POTEM: variants seen among roughly 807,000 people sequenced by gnomAD.
The protein encoded by POTEM is POTE ankyrin domain family member M, also known as putative POTE ankyrin domain family member M.
For missense variants in POTEM, 24 were observed against 343.0 expected (o/e 0.07, Z 7.35); for synonymous variants, 8 against 113.2 (o/e 0.07, Z 5.90).
intron 1 of POTEM, among the ~76,000 whole-genome samples, chr14:18,968,844 C>A (rs1316604159): frequency 1.4e-5 from 2 of 145,098 alleles, no homozygotes; most frequent in Middle Eastern, 3.6e-3. Flanking sequence ...AAAAAGTGAG[C>A]TTTTTCTATT....
At chr14:18,969,235 C>A (rs1412233981) in intron 1 of POTEM, among the ~76,000 whole-genome samples, 6 of 130,512 alleles carry the variant, frequency 4.6e-5, no homozygotes, top group African/African-American at 1.9e-4. Context: ...AAAAGAGAAA[C>A]ATACCAGAAG....
chr14:18,974,886 T>TTTTATG (rs1890925859), intron 3 of POTEM: 1 of 363,550 alleles, frequency 2.8e-6, no homozygotes, highest in Non-Finnish European at 5.4e-6. Context: ...CTTTCTTTCT[T>TTTTATG]TTTATTTTTA....
At position 18,967,840 on chromosome 14, in the gene POTEM, C is replaced by T. The variant is rs1456338927; in HGVS notation, c.355C>T (p.Pro119Ser). The T allele has an allele frequency of 9.0e-6, 8 of 888,468 alleles. 3 individuals carry two copies. Among genetic ancestry groups the T allele is most frequent in the South Asian group, 5.0e-5 (3 of 59,714 alleles). The allele number at this position is 888,468 out of a possible 1,614,324, so 55.0% of individuals were successfully genotyped here. The change falls in exon 1 of 11, where the codon CCC becomes TCC. Residue 119 changes from proline (P) to serine (S), a missense_variant. By Grantham distance (74) the Pro-to-Ser change is moderately conservative (BLOSUM62 -1). Transcript: ENST00000547889. ...CRGSGKSKVGPWGDYDDSAFM... is the reference protein window; with the variant it reads ...CRGSGKSKVGSWGDYDDSAFM... ...GGGGAGCGGCAAGAGCAAAGTGGGC[C>T]CCTGGGGAGACTACGACGACAGCGC...
At chr14:18,990,889 A>AT (rs200925682) in intron 9 of POTEM, among the ~76,000 whole-genome samples, 512 of 30,406 alleles carry the variant, frequency 0.017, no homozygotes, top group South Asian at 0.047. Flanking sequence ...TTCTCATGAC[A>AT]TTTTTTTTTT....
intron 9 of POTEM, among the ~76,000 whole-genome samples, chr14:18,996,240 T>A (rs1333470892): frequency 6.6e-6 from 1 of 151,448 alleles, no homozygotes; most frequent in East Asian, 1.9e-4. Flanking sequence ...CATACACAGA[T>A]AAAATTAATT....
intron 6 of POTEM, among the ~76,000 whole-genome samples, chr14:18,981,856 A>G (rs1891090480): frequency 6.6e-6 from 1 of 151,872 alleles, no homozygotes; most frequent in African/African-American, 2.4e-5. Flanking sequence ...GTTTTACCCC[A>G]TGGGCCATGG....
intron 1 of POTEM, among the ~76,000 whole-genome samples, chr14:18,968,491 C>T (rs1457648081): frequency 2.0e-5 from 3 of 152,186 alleles, no homozygotes; most frequent in Admixed American, 2.0e-4. Flanking sequence ...GAAGATGGTT[C>T]TTGTGCTTGA....
chr14:18,969,240 C>A, intron 1 of POTEM, among the ~76,000 whole-genome samples: 1 of 128,172 alleles, frequency 7.8e-6, no homozygotes, highest in African/African-American at 3.2e-5. Context: ...AGAAACATAC[C>A]AGAAGAAAAC....
rs1890800604 is a variant in POTEM, at chr14:18,968,005, AG to A, written c.521+1del. The A allele has an allele frequency of 7.3e-7, 1 of 1,361,960 alleles. No individual in the cohort carries two copies. Among genetic ancestry groups the A allele is most frequent in the Non-Finnish European group, 1.0e-6 (1 of 967,834 alleles). 84.4% of individuals were successfully genotyped at this position (1,361,960 alleles called of 1,614,324 possible). A position where few individuals can be genotyped will look rare whatever the true frequency, so the allele number is the denominator to read the frequency against. On this transcript the variant is annotated frameshift_variant and splice_region_variant, in exon 1 of 11. Transcript: ENST00000547889. LOFTEE classifies it high-confidence loss of function. ...TDMNKKDKQK[R>X]TALHLASANG... ...CATGAACAAGAAGGACAAGCAAAAG[AG>A]GTAACCAGGCCTGGGCTGGGAGGAG... is the stretch of plus-strand genomic sequence containing the variant.
At chr14:18,975,064 G>C (rs1890932919) in intron 3 of POTEM, 2 of 339,330 alleles carry the variant, frequency 5.9e-6, no homozygotes, top group Admixed American at 4.2e-5. Context: ...CTCTGTGGTT[G>C]AGACATTAAA....
At chr14:18,969,393 T>C (rs1235853315) in intron 1 of POTEM, among the ~76,000 whole-genome samples, 1 of 130,312 alleles carries the variant, frequency 7.7e-6, no homozygotes, top group African/African-American at 3.0e-5. Context: ...AAAATTTCTT[T>C]TTTTTTTTTG....
At chr14:18,981,875 C>G (rs1184812538) in intron 6 of POTEM, among the ~76,000 whole-genome samples, 2 of 151,696 alleles carry the variant, frequency 1.3e-5, no homozygotes, top group African/African-American at 4.9e-5. Context: ...GGGAAGTTTA[C>G]CAGGTAGAAT....
intron 1 of POTEM, among the ~76,000 whole-genome samples, chr14:18,969,307 G>GTATATA (rs376582358): frequency 2.5e-5 from 2 of 79,500 alleles, no homozygotes; most frequent in African/African-American, 5.9e-5. Flanking sequence ...ATGTATATAC[G>GTATATA]TATATATATG....
intron 1 of POTEM, among the ~76,000 whole-genome samples, chr14:18,969,136 T>G (rs1471409367): frequency 2.2e-5 from 3 of 139,492 alleles, no homozygotes; most frequent in Non-Finnish European, 4.6e-5. Context: ...TTAAAAAAGA[T>G]GGATTGTTCA....
intron 1 of POTEM, among the ~76,000 whole-genome samples, chr14:18,969,317 GTATATA>G (rs796722398): frequency 0.021 from 1,753 of 83,416 alleles, 2 homozygotes; most frequent in South Asian, 0.076. Flanking sequence ...GTATATATAT[GTATATA>G]TATATATATA....
At chr14:18,968,880 A>C (rs1339278753) in intron 1 of POTEM, among the ~76,000 whole-genome samples, 1 of 150,708 alleles carries the variant, frequency 6.6e-6, no homozygotes, top group Non-Finnish European at 1.5e-5. Context: ...AGCCAAATAA[A>C]AATAGCAGTT....
At position 18,986,341 on chromosome 14, in the gene POTEM, T is replaced by A. The variant is rs542216792; in HGVS notation, c.1198-828T>A. On this transcript the variant is annotated intron_variant, in intron 7 of 10. Transcript: ENST00000547889. The stretch of plus-strand genomic sequence containing the variant: ...CAGTCACTGATACTAAGGTTAAAGA[T>A]ATATTCTGCCTTGTGGTCTCTCATT... Among the ~76,000 whole-genome samples, 1,224 of 141,342 alleles carry A rather than the reference T, an allele frequency of 8.7e-3. 27 individuals are homozygous for A. Among genetic ancestry groups the A allele is most frequent in the African/African-American group, 0.023 (813 of 35,194 alleles). 92.7% of individuals were successfully genotyped at this position (141,342 alleles called of 152,430 possible). A position where few individuals can be genotyped will look rare whatever the true frequency, so the allele number is the denominator to read the frequency against.
rs1399132180 is a variant in POTEM, at chr14:18,999,357, C to T, written c.*692C>T. On this transcript the variant is annotated 3_prime_UTR_variant, in exon 11 of 11. Coordinates refer to ENST00000547889, the MANE Select transcript of POTEM (RefSeq NM_001145442.1). ...TGGTGACGGGGTCACCCACACTGTG[C>T]CCATCTATGAGGGGAATGCCCTCCC... Among the ~76,000 whole-genome samples, 3 of 133,726 alleles carry T rather than the reference C, an allele frequency of 2.2e-5. No individual in the cohort carries two copies. The highest frequency in any genetic ancestry group is 8.2e-5 in the African/African-American group (3 of 36,604). 87.7% of individuals were successfully genotyped at this position (133,726 alleles called of 152,430 possible).
rs1891404200 is a variant in POTEM, at chr14:19,002,670, C to T, written c.*4005C>T. On this transcript the variant is annotated 3_prime_UTR_variant, in exon 11 of 11. Coordinates refer to ENST00000547889, the MANE Select transcript of POTEM (RefSeq NM_001145442.1). The stretch of plus-strand genomic sequence containing the variant: ...TGGCCACACCTGCTTACAGGGCACT[C>T]TCAGATGCCCATACCATAGTTTCTG... 6.6e-6 allele frequency among the ~76,000 whole-genome samples: 1 copy of T among 152,178 alleles called. No individual in the cohort carries two copies. Among genetic ancestry groups the T allele is most frequent in the Non-Finnish European group, 1.5e-5 (1 of 67,960 alleles).
Sources: allele counts gnomAD v4.1 joint callset (sites outside exome capture counted in the v4.1 genomes callset), GRCh38; gene constraint gnomAD v4.1.1; transcripts MANE v1.5; gene names NCBI Gene and HGNC (gene_info 2026-07-23, HGNC 2026-07-21).